Variants in TYRP1 observed in about 807,000 individuals in gnomAD.
The protein encoded by TYRP1 is tyrosinase related protein 1.
TYRP1 carries 49 observed loss-of-function variants against 42.8 expected under a neutral mutation model. That is an observed-to-expected ratio of 1.14 (90% CI 0.91 to 1.45). The LOEUF is 1.45. Among genes scored for constraint, TYRP1 ranks in the 40% most tolerant of loss-of-function variants. The pLI is 0.00. For synonymous variants in TYRP1, 279 were observed against 235.4 expected (o/e 1.19, Z -1.69); for missense variants, 848 against 662.0 (o/e 1.28, Z -3.08).
Position 12,698,622 on chromosome 9 carries a change from G to T in TYRP1, c.880G>T (p.Glu294Ter). Residue 294 changes from glutamate (E) to a stop codon, truncating the protein, a stop_gained, in exon 4 of 8, where the codon GAA (glutamate) becomes TAA (stop). Coordinates refer to ENST00000388918, the MANE Select transcript of TYRP1 (RefSeq NM_000550.3). LOFTEE classifies it high-confidence loss of function. ...SQWRVVCDSLEDYDTLGTLCN... is the reference protein window; with the variant it reads ...SQWRVVCDSL ...ATGGCGAGTGGTCTGTGACTCCTTGGAAGATTATGATACCCTGGGAACACT... is the reference window on the plus strand; with the variant it reads ...ATGGCGAGTGGTCTGTGACTCCTTGTAAGATTATGATACCCTGGGAACACT... 1 of 1,613,716 alleles carries T rather than the reference G, an allele frequency of 6.2e-7. No homozygotes were observed. The highest frequency in any genetic ancestry group is 8.5e-7 in the Non-Finnish European group (1 of 1,179,772).
rs1398790259 is a variant in TYRP1, at chr9:12,707,989, T to C, written c.1262-8T>C. ...GTTTATTAATACGTTGTCTTTGGAA[T>C]AATTTAGATATATCCACATTTCCAT... On this transcript the variant is annotated splice_polypyrimidine_tract_variant and splice_region_variant and intron_variant, in intron 6 of 7. Coordinates refer to ENST00000388918, the MANE Select transcript of TYRP1 (RefSeq NM_000550.3). 3 of 1,607,616 alleles carry C rather than the reference T, an allele frequency of 1.9e-6. No individual in the cohort carries two copies. In the African/African-American group the frequency reaches 4.0e-5, roughly 22 times the overall value.
At chr9:12,706,901 T>C (rs969176587) in intron 6 of TYRP1, among the ~76,000 whole-genome samples, 2 of 151,944 alleles carry the variant, frequency 1.3e-5, no homozygotes, top group African/African-American at 4.8e-5. Flanking sequence ...TCTTTACAAA[T>C]TGCAGAATAA....
intron 3 of TYRP1, 141 bp downstream of exon 3, chr9:12,695,978 T>A: frequency 5.8e-6 from 5 of 860,648 alleles, no homozygotes; most frequent in Non-Finnish European, 8.8e-6. Flanking sequence ...TCTTTGGCAT[T>A]TCGTTTTCTC....
At position 12,709,304 on chromosome 9, in the gene TYRP1, G is replaced by T; in HGVS notation, c.*122G>T. On this transcript the variant is annotated 3_prime_UTR_variant, in exon 8 of 8. Coordinates refer to ENST00000388918, the MANE Select transcript of TYRP1 (RefSeq NM_000550.3). ...TTCTTTCTAATACAAGCATATGTTAGCATTAAAGTTCTAGGCATACTTTTC... is the reference window on the plus strand; with the variant it reads ...TTCTTTCTAATACAAGCATATGTTATCATTAAAGTTCTAGGCATACTTTTC... 4 of 1,073,574 alleles carry T rather than the reference G, an allele frequency of 3.7e-6. No homozygotes were observed. In the South Asian group the frequency reaches 4.0e-5, roughly 11 times the overall value. 66.5% of individuals were successfully genotyped at this position (1,073,574 alleles called of 1,614,324 possible).
Position 12,702,411 on chromosome 9 carries a change from A to G in TYRP1, c.1054A>G (p.Thr352Ala), listed in dbSNP as rs369807922. ...FDTPPFYSNS[T>A]NSFRNTVEGY... ...CACGCCTCCTTTTTATTCCAACTCTACAAACAGTTTCCGAAACACAGTGGA... is the reference window on the plus strand; with the variant it reads ...CACGCCTCCTTTTTATTCCAACTCTGCAAACAGTTTCCGAAACACAGTGGA... The change falls in exon 5 of 8, where the codon ACA becomes GCA. Residue 352 changes from threonine (T) to alanine (A), a missense_variant. By Grantham distance (58) the Thr-to-Ala change is moderately conservative. Transcript: ENST00000388918. 9 of 1,612,500 alleles carry G rather than the reference A, an allele frequency of 5.6e-6. No homozygotes were observed. In the African/African-American group the frequency reaches 1.2e-4, roughly 22 times the overall value.
At chr9:12,693,611 TA>T (rs1818028739) in intron 1 of TYRP1, 133 bp downstream of exon 1, 1 of 188,924 alleles carries the variant, frequency 5.3e-6, no homozygotes, top group Admixed American at 5.4e-5. Flanking sequence ...AAGGTTAAAT[TA>T]AATGTAATTA....
At chr9:12,699,010 T>C (rs987480815) in intron 4 of TYRP1, among the ~76,000 whole-genome samples, 1 of 151,896 alleles carries the variant, frequency 6.6e-6, no homozygotes, top group Admixed American at 6.6e-5. Flanking sequence ...TCACAGAAAA[T>C]GTTTCCTAAG....
At chr9:12,707,964 G>A (rs1197115858) in intron 6 of TYRP1, 33 bp from the exon 7 acceptor site, 2 of 1,572,732 alleles carry the variant, frequency 1.3e-6, no homozygotes, top group African/African-American at 2.7e-5. Context: ...ATTTTATTAT[G>A]TTTATTAATA....
intron 5 of TYRP1, 86 bp downstream of exon 5, chr9:12,702,524 T>A: frequency 7.7e-7 from 1 of 1,299,910 alleles, no homozygotes; most frequent in Non-Finnish European, 1.1e-6. Context: ...TGAGAAGGCT[T>A]TGAATAGTAT....
chr9:12,705,634 C>T (rs1818245670), intron 6 of TYRP1, among the ~76,000 whole-genome samples: 2 of 151,920 alleles, frequency 1.3e-5, no homozygotes, highest in Admixed American at 1.3e-4. Flanking sequence ...ATCACTTGAG[C>T]CCAAGAGTTT....
chr9:12,696,043 A>C (rs1277488580), intron 3 of TYRP1, among the ~76,000 whole-genome samples: 2 of 152,238 alleles, frequency 1.3e-5, no homozygotes, highest in African/African-American at 2.4e-5. Context: ...AAAATAAAGC[A>C]AAATCAATAA....
intron 2 of TYRP1, 51 bp from the exon 3 acceptor site, chr9:12,695,464 C>A: frequency 6.5e-7 from 1 of 1,548,998 alleles, no homozygotes; most frequent in Non-Finnish European, 8.9e-7. Context: ...TCTTTCTCTA[C>A]CCATCCCCGC....
chr9:12,703,045 G>C (rs1818197891), intron 5 of TYRP1, among the ~76,000 whole-genome samples: 1 of 151,964 alleles, frequency 6.6e-6, no homozygotes, highest in South Asian at 2.1e-4. Context: ...TATTCAGCTA[G>C]TTACTAACAG....
At chr9:12,701,438 T>A (rs1019371892) in intron 4 of TYRP1, among the ~76,000 whole-genome samples, 8 of 151,556 alleles carry the variant, frequency 5.3e-5, no homozygotes, top group African/African-American at 1.9e-4. Context: ...GGATACAAAG[T>A]TTTTTTTTGT....
intron 5 of TYRP1, among the ~76,000 whole-genome samples, chr9:12,702,782 T>C (rs1586844750): frequency 6.6e-6 from 1 of 152,140 alleles, no homozygotes; most frequent in South Asian, 2.1e-4. Context: ...ACTTTGACAG[T>C]GTATTAAATT....
At chr9:12,703,458 A>G (rs1487033810) in intron 5 of TYRP1, among the ~76,000 whole-genome samples, 1 of 151,990 alleles carries the variant, frequency 6.6e-6, no homozygotes, top group African/African-American at 2.4e-5. Flanking sequence ...CTGTAAACTA[A>G]GGCCATCAGC....
intron 6 of TYRP1, among the ~76,000 whole-genome samples, chr9:12,707,226 C>CTT (rs1818272804): frequency 6.6e-6 from 1 of 151,968 alleles, no homozygotes; most frequent in Admixed American, 6.6e-5. Context: ...GTGATCACTA[C>CTT]TTTACTTTTT....
At chr9:12,708,945 G>A (rs41316015) in intron 7 of TYRP1, 32 bp from the exon 8 acceptor site, 2 of 1,541,838 alleles carry the variant, frequency 1.3e-6, no homozygotes, top group East Asian at 2.3e-5. Flanking sequence ...TTTAATATTT[G>A]TCTTTTTATT....
intron 5 of TYRP1, among the ~76,000 whole-genome samples, chr9:12,703,715 A>G (rs1283076073): frequency 2.0e-5 from 3 of 151,994 alleles, no homozygotes; most frequent in Non-Finnish European, 4.4e-5. Flanking sequence ...ACTGGTTAAC[A>G]TATTTTAAAT....
Sources: gnomAD v4.1 joint callset for allele counts (sites outside exome capture counted in the v4.1 genomes callset) on GRCh38, gnomAD v4.1.1 for gene constraint, MANE v1.5 for transcripts, NCBI Gene and HGNC (gene_info 2026-07-23, HGNC 2026-07-21) for gene names.